PIK3R4: variants seen among roughly 807,000 people sequenced by gnomAD.
The protein encoded by PIK3R4 is phosphoinositide-3-kinase regulatory subunit 4.
Under a neutral mutation model 136.5 loss-of-function variants are expected in PIK3R4, and 46 were observed. The observed-to-expected ratio is 0.34, with a 90% CI of 0.27 to 0.43. PIK3R4 has a LOEUF of 0.43. Among genes scored for constraint, PIK3R4 ranks in the 20% least tolerant of loss-of-function variants. The pLI is 1.00. For missense variants in PIK3R4, 1,331 were observed against 1,649.5 expected, an observed-to-expected ratio of 0.81 and a Z score of 3.35; for synonymous variants, 557 against 566.7, an observed-to-expected ratio of 0.98 and a Z score of 0.24.
chr3:130,704,274 C>G (rs1480358465), intron 12 of PIK3R4, among the ~76,000 whole-genome samples: 2 of 152,134 alleles, frequency 1.3e-5, no homozygotes, highest in East Asian at 3.8e-4. Context: ...GTATAATACA[C>G]CACTTACAAA....
rs372149732 is a variant in PIK3R4 at position 130,701,811 on chromosome 3, T to C, written c.3098+1912A>G. On this transcript the variant is annotated intron_variant, in intron 13 of 19. Transcript: ENST00000356763. ...GCTGAACTTTTTAGAGGGCACATAC[T>C]GATGTCTGTATCTTATTTTGAAATC... 2.6e-5 allele frequency among the ~76,000 whole-genome samples: 4 copies of C among 152,032 alleles called. No individual in the cohort carries two copies. The East Asian group carries it at 5.8e-4, about 22-fold the overall frequency.
intron 19 of PIK3R4, among the ~76,000 whole-genome samples, chr3:130,679,914 A>G (rs1364748731): frequency 6.6e-6 from 1 of 151,802 alleles, no homozygotes; most frequent in African/African-American, 2.4e-5. Flanking sequence ...CGTCTCTACT[A>G]AAAATACAAA....
rs962551755 is a variant in PIK3R4 at position 130,690,487 on chromosome 3, T to C, written c.3263+3A>G. The C allele has an allele frequency of 6.2e-7, 1 of 1,604,618 alleles. No individual in the cohort carries two copies. The highest frequency in any genetic ancestry group is 8.5e-7 in the Non-Finnish European group (1 of 1,174,756). On this transcript the variant is annotated splice_donor_region_variant and intron_variant, in intron 14 of 19. Transcript: ENST00000356763. ...TGTTTAAGAAAGACAAAAGATAAGA[T>C]ACCTGCTTTGTAGAGGATGGATTTT...
intron 9 of PIK3R4, among the ~76,000 whole-genome samples, chr3:130,709,637 C>A (rs2066623951): frequency 1.3e-5 from 2 of 152,124 alleles, no homozygotes; most frequent in Non-Finnish European, 2.9e-5. Flanking sequence ...AGTAAGAGCT[C>A]TCTTTTTGTT....
intron 13 of PIK3R4, 101 bp downstream of exon 13, chr3:130,703,622 G>T: frequency 1.2e-6 from 1 of 809,036 alleles, no homozygotes; most frequent in African/African-American, 1.7e-5. Context: ...TATTGTTGCT[G>T]TATGCCTGGT....
intron 2 of PIK3R4, among the ~76,000 whole-genome samples, chr3:130,741,671 G>C (rs1395504107): frequency 2.0e-5 from 3 of 151,938 alleles, no homozygotes; most frequent in African/African-American, 7.3e-5. Context: ...ATATCATTCT[G>C]CTTGGCTATA....
chr3:130,707,241 C>T lies in PIK3R4; in HGVS notation c.2534-106G>A, dbSNP rs142591252. On this transcript the variant is annotated intron_variant, in intron 10 of 19. Transcript: ENST00000356763. ...AGTAGAGGAGGCAGGGATAGCAATACACTTCATATTCTATTTGTTCCTTAA... is the reference window on the plus strand; with the variant it reads ...AGTAGAGGAGGCAGGGATAGCAATATACTTCATATTCTATTTGTTCCTTAA... The T allele has an allele frequency of 3.6e-4, 215 of 599,628 alleles. No individual in the cohort carries two copies. In the African/African-American group the frequency reaches 3.6e-3, roughly 10 times the overall value. 37.1% of individuals were successfully genotyped at this position (599,628 alleles called of 1,614,324 possible). A position where few individuals can be genotyped will look rare whatever the true frequency, so the allele number is the denominator to read the frequency against.
chr3:130,697,063 C>CTTT (rs60432343), intron 13 of PIK3R4, among the ~76,000 whole-genome samples: 2,694 of 73,016 alleles, frequency 0.037, 108 homozygotes, highest in Middle Eastern at 0.052. Context: ...GCCACTCCAG[C>CTTT]TTTTTTTTTT....
At chr3:130,728,407 A>T in intron 6 of PIK3R4, 56 bp downstream of exon 6, 1 of 1,041,306 alleles carries the variant, frequency 9.6e-7, no homozygotes, top group Non-Finnish European at 1.4e-6. Context: ...GATTGCATGG[A>T]AGTATTTGAG....
intron 13 of PIK3R4, among the ~76,000 whole-genome samples, chr3:130,692,473 T>C (rs2066524510): frequency 6.6e-6 from 1 of 152,262 alleles, no homozygotes; most frequent in Admixed American, 6.5e-5. Flanking sequence ...TGTGGTCTTT[T>C]ATATCAAGCT....
chr3:130,681,808 A>AGAT (rs1253308181), intron 16 of PIK3R4, among the ~76,000 whole-genome samples: 4 of 152,196 alleles, frequency 2.6e-5, no homozygotes, highest in African/African-American at 9.7e-5. Context: ...ACTGAAGAAG[A>AGAT]GATGGCAAAC....
intron 9 of PIK3R4, among the ~76,000 whole-genome samples, chr3:130,715,968 C>A (rs2066662371): frequency 6.6e-6 from 1 of 152,174 alleles, no homozygotes; most frequent in South Asian, 2.1e-4. Flanking sequence ...CAGCTGTTTA[C>A]AAGTATTAAT....
rs181062096 is a variant in PIK3R4 at position 130,729,397 on chromosome 3, G to A, written c.1586-713C>T. On this transcript the variant is annotated intron_variant, in intron 5 of 19. Coordinates refer to ENST00000356763, the MANE Select transcript of PIK3R4 (RefSeq NM_014602.3). Reference sequence around the variant, plus strand: ...TAAACAGAAGACAGGGGCCACTCTTGGTCCAGCTACTACTGTCAAGGAAAA... The same window carrying A: ...TAAACAGAAGACAGGGGCCACTCTTAGTCCAGCTACTACTGTCAAGGAAAA... Among the ~76,000 whole-genome samples the A allele has an allele frequency of 2.9e-3, 439 of 152,212 alleles. 2 individuals are homozygous for A. Among genetic ancestry groups the A allele is most frequent in the Middle Eastern group, 0.02 (6 of 294 alleles).
At chr3:130,714,679 A>G (rs1003437583) in intron 9 of PIK3R4, among the ~76,000 whole-genome samples, 1 of 138,424 alleles carries the variant, frequency 7.2e-6, no homozygotes, top group African/African-American at 2.8e-5. Flanking sequence ...TTCGGCTCCC[A>G]CTTATGAATG....
rs562200995 is a variant in PIK3R4, at chr3:130,746,746, C to G, written c.-475G>C. On this transcript the variant is annotated 5_prime_UTR_variant, in exon 1 of 20. Coordinates refer to ENST00000356763, the MANE Select transcript of PIK3R4 (RefSeq NM_014602.3). The stretch of plus-strand genomic sequence containing the variant: ...TGGAACCCGGGAGAGAAGTGCAGAC[C>G]GCCAGTCCCAAGAAAACACTACACT... 48 of 152,460 alleles carry G rather than the reference C, an allele frequency of 3.1e-4. No individual in the cohort carries two copies. The highest frequency in any genetic ancestry group is 9.9e-4 in the African/African-American group (41 of 41,534). 9.4% of individuals were successfully genotyped at this position (152,460 alleles called of 1,614,324 possible).
chr3:130,683,066 C>T (rs917602206), intron 16 of PIK3R4, among the ~76,000 whole-genome samples: 8 of 152,116 alleles, frequency 5.3e-5, no homozygotes, highest in African/African-American at 1.4e-4. Flanking sequence ...ATAGAACTTA[C>T]AGGACTGGCT....
At chr3:130,719,807 A>G (rs2066688547) in intron 7 of PIK3R4, among the ~76,000 whole-genome samples, 1 of 152,188 alleles carries the variant, frequency 6.6e-6, no homozygotes, top group Admixed American at 6.5e-5. Context: ...CTTTTGGTTT[A>G]TATCACTTGC....
intron 13 of PIK3R4, 73 bp downstream of exon 13, chr3:130,703,650 T>C: frequency 1.7e-6 from 2 of 1,148,298 alleles, no homozygotes; most frequent in Admixed American, 1.9e-5. Context: ...ACAGTGGTTA[T>C]TATAGAGTAA....
At chr3:130,690,758 T>A in intron 13 of PIK3R4, 104 bp from the exon 14 acceptor site, 1 of 662,994 alleles carries the variant, frequency 1.5e-6, no homozygotes, top group Non-Finnish European at 2.5e-6. Context: ...GGGGTCCATT[T>A]AATCTCCCTG....
Sources: allele counts gnomAD v4.1 joint callset (sites outside exome capture counted in the v4.1 genomes callset), GRCh38; gene constraint gnomAD v4.1.1; transcripts MANE v1.5; gene names NCBI Gene and HGNC (gene_info 2026-07-23, HGNC 2026-07-21).